Variants in MAP2 observed in about 807,000 individuals in gnomAD.
The protein encoded by MAP2 is microtubule-associated protein 2.
MAP2 carries 14 observed loss-of-function variants against 137.6 expected under a neutral mutation model. The observed-to-expected ratio is 0.10, with a 90% confidence interval of 0.07 to 0.16. The LOEUF is 0.16. MAP2 is among the 10% of genes least tolerant of loss of function. The probability of loss-of-function intolerance (pLI) is 1.00; values close to 1 mark genes in which losing one functional copy is unlikely to be tolerated. For missense variants in MAP2, 2,088 were observed against 2,191.5 expected (o/e 0.95, Z 0.94); for synonymous variants, 786 against 782.3 (o/e 1.00, Z -0.08).
rs1177442898 is a variant in MAP2 at position 209,519,741 on chromosome 2, T to G, written c.-172+12100T>G. Among the ~76,000 whole-genome samples, 14 of 152,084 alleles carry G rather than the reference T, an allele frequency of 9.2e-5. 1 individual carries two copies. The highest frequency in any genetic ancestry group is 9.2e-4 in the Admixed American group (14 of 15,242). On this transcript the variant is annotated intron_variant, in intron 2 of 15. Transcript: ENST00000682079. The stretch of plus-strand genomic sequence containing the variant: ...AGTGTAAAATGAAGGAAATAATTGT[T>G]TTTTAAGAAAAGTAGTCAGTGGATA...
chr2:209,692,535 A>G (rs936442089), intron 7 of MAP2, 90 bp from the exon 8 acceptor site: 4 of 1,415,060 alleles, frequency 2.8e-6, no homozygotes, highest in South Asian at 3.0e-5. Flanking sequence ...TTATTCTACC[A>G]TTCATTTATC....
At chr2:209,591,512 A>G (rs1220692962) in intron 3 of MAP2, among the ~76,000 whole-genome samples, 1 of 135,530 alleles carries the variant, frequency 7.4e-6, no homozygotes, top group Non-Finnish European at 1.5e-5. Flanking sequence ...AGTACTTATC[A>G]TAGAATAGGT....
At chr2:209,517,260 A>G (rs550472365) in intron 2 of MAP2, among the ~76,000 whole-genome samples, 1 of 152,154 alleles carries the variant, frequency 6.6e-6, no homozygotes, top group African/African-American at 2.4e-5. Context: ...GTGATCACTG[A>G]AGTTCTCTGT....
At chr2:209,455,662 T>G (rs1042932523) in intron 1 of MAP2, among the ~76,000 whole-genome samples, 3 of 152,238 alleles carry the variant, frequency 2.0e-5, no homozygotes, top group African/African-American at 7.2e-5. Context: ...TTAATATATG[T>G]AGAGCTGGAT....
intron 2 of MAP2, among the ~76,000 whole-genome samples, chr2:209,536,867 C>T (rs568081827): frequency 1.3e-5 from 2 of 152,154 alleles, no homozygotes; most frequent in African/African-American, 4.8e-5. Flanking sequence ...CATCTTCACC[C>T]TTTGTTTCAA....
chr2:209,459,154 C>A (rs1702193753), intron 1 of MAP2, among the ~76,000 whole-genome samples: 1 of 152,216 alleles, frequency 6.6e-6, no homozygotes, highest in East Asian at 1.9e-4. Context: ...GTTATGTAGT[C>A]CAACTGCTTG....
chr2:209,615,108 A>G (rs1469732365), intron 3 of MAP2, among the ~76,000 whole-genome samples: 1 of 151,914 alleles, frequency 6.6e-6, no homozygotes, highest in African/African-American at 2.4e-5. Flanking sequence ...CAGGCAAAAA[A>G]CATCATCAGT....
intron 2 of MAP2, among the ~76,000 whole-genome samples, chr2:209,556,261 A>G (rs1031426669): frequency 6.6e-6 from 1 of 152,098 alleles, no homozygotes; most frequent in South Asian, 2.1e-4. Flanking sequence ...CCAAGCTGGT[A>G]TTGAACTCCT....
At chr2:209,426,042 G>T (rs927259300) in intron 1 of MAP2, among the ~76,000 whole-genome samples, 1 of 152,144 alleles carries the variant, frequency 6.6e-6, no homozygotes, top group Non-Finnish European at 1.5e-5. Context: ...ATATTTGTGT[G>T]TGTATGTTTA....
intron 3 of MAP2, among the ~76,000 whole-genome samples, chr2:209,593,095 AT>A (rs1320820744): frequency 6.6e-6 from 1 of 152,024 alleles, no homozygotes; most frequent in Non-Finnish European, 1.5e-5. Flanking sequence ...TCATATATTA[AT>A]TTCCAAGAAT....
intron 1 of MAP2, among the ~76,000 whole-genome samples, chr2:209,432,611 T>G (rs1412599680): frequency 6.6e-6 from 1 of 152,236 alleles, no homozygotes; most frequent in Non-Finnish European, 1.5e-5. Flanking sequence ...GCCACCATTC[T>G]ATTAGAAAAT....
chr2:209,733,161 A>G lies in MAP2; in HGVS notation c.*2764A>G, dbSNP rs2075997190. ...GTATAAGAATACGTAAGTAATCCAG[A>G]GCTGTGAAGAGTTTAAAGGCCAACT... On this transcript the variant is annotated 3_prime_UTR_variant, in exon 16 of 16. Transcript: ENST00000682079. 1 of 152,610 alleles carries G rather than the reference A, an allele frequency of 6.6e-6. No individual in the cohort carries two copies. The highest frequency in any genetic ancestry group is 2.1e-4 in the South Asian group (1 of 4,832). 9.5% of individuals were successfully genotyped at this position (152,610 alleles called of 1,614,324 possible). A position where few individuals can be genotyped will look rare whatever the true frequency, so the allele number is the denominator to read the frequency against.
At chr2:209,466,045 A>T (rs890195881) in intron 1 of MAP2, among the ~76,000 whole-genome samples, 2 of 152,176 alleles carry the variant, frequency 1.3e-5, no homozygotes, top group African/African-American at 4.8e-5. Flanking sequence ...TGAATGTATG[A>T]CTTCAAGTAT....
At chr2:209,665,026 G>T in intron 5 of MAP2, among the ~76,000 whole-genome samples, 1 of 149,844 alleles carries the variant, frequency 6.7e-6, no homozygotes, top group South Asian at 2.1e-4. Context: ...GAATGAAGAG[G>T]TAATCAAGAA....
chr2:209,436,235 A>T (rs572744940), intron 1 of MAP2, among the ~76,000 whole-genome samples: 3 of 151,266 alleles, frequency 2.0e-5, no homozygotes, highest in South Asian at 2.1e-4. Flanking sequence ...TTCTTGTTAG[A>T]TATTTATTTC....
intron 2 of MAP2, among the ~76,000 whole-genome samples, chr2:209,517,100 T>A (rs887989829): frequency 1.3e-5 from 2 of 152,110 alleles, no homozygotes; most frequent in African/African-American, 4.8e-5. Flanking sequence ...CCCCACAGGG[T>A]ATTTACCAAG....
At chr2:209,484,413 G>A (rs993547007) in intron 1 of MAP2, among the ~76,000 whole-genome samples, 2 of 151,772 alleles carry the variant, frequency 1.3e-5, no homozygotes, top group African/African-American at 4.8e-5. Context: ...ATTTGATGGC[G>A]AGGCGCAGTG....
chr2:209,620,828 GTTA>G (rs1421846828), intron 3 of MAP2, among the ~76,000 whole-genome samples: 2 of 152,270 alleles, frequency 1.3e-5, no homozygotes, highest in East Asian at 3.9e-4. Context: ...GGAGTACAAT[GTTA>G]TTGTTGTTTA....
intron 4 of MAP2, among the ~76,000 whole-genome samples, chr2:209,632,829 C>T (rs1257255874): frequency 6.6e-6 from 1 of 152,154 alleles, no homozygotes. Flanking sequence ...CTCTTCCTCA[C>T]TCTTACTCTC....
Sources: allele counts gnomAD v4.1 joint callset (sites outside exome capture counted in the v4.1 genomes callset), GRCh38; gene constraint gnomAD v4.1.1; transcripts MANE v1.5; gene names NCBI Gene and HGNC (gene_info 2026-07-23, HGNC 2026-07-21).